IL20RB: variants seen among roughly 807,000 people sequenced by gnomAD.
IL20RB encodes interleukin 20 receptor subunit beta.
A neutral mutation model predicts 33.3 loss-of-function variants in IL20RB; 21 were observed. That is an observed-to-expected ratio of 0.63 (90% CI 0.45 to 0.91). IL20RB has a LOEUF of 0.91. IL20RB is among the 40% of genes least tolerant of loss of function. The pLI is 0.00. For synonymous variants in IL20RB, 147 were observed against 146.8 expected, an observed-to-expected ratio of 1.00 and a Z score of -0.01; for missense variants, 345 against 384.8, an observed-to-expected ratio of 0.90 and a Z score of 0.86.
chr3:136,958,283 G>A (rs757480082), intron 1 of IL20RB, 82 bp downstream of exon 1: 20 of 814,362 alleles, frequency 2.5e-5, no homozygotes, highest in Non-Finnish European at 4.0e-5. Context: ...CCAGGGCCTG[G>A]GGTTGAAATA....
intron 6 of IL20RB, among the ~76,000 whole-genome samples, chr3:136,999,359 G>C (rs1361836053): frequency 6.6e-6 from 1 of 152,152 alleles, no homozygotes; most frequent in African/African-American, 2.4e-5. Context: ...GACTCCCAAA[G>C]TGCTGGGATT....
intron 6 of IL20RB, 115 bp downstream of exon 6, chr3:136,995,671 C>T: frequency 3.2e-6 from 3 of 932,288 alleles, no homozygotes; most frequent in Non-Finnish European, 4.9e-6. Flanking sequence ...TAGGCATCTG[C>T]ACAGAGAGGG....
intron 1 of IL20RB, among the ~76,000 whole-genome samples, chr3:136,964,440 G>A (rs1427563565): frequency 1.1e-5 from 1 of 90,426 alleles, no homozygotes; most frequent in Non-Finnish European, 2.2e-5. Context: ...TTCTCTGATG[G>A]CCAGTGATGA....
intron 1 of IL20RB, among the ~76,000 whole-genome samples, chr3:136,970,014 T>TTTTG (rs374458054): frequency 6.6e-6 from 1 of 151,880 alleles, no homozygotes; most frequent in Non-Finnish European, 1.5e-5. Flanking sequence ...TAGATTGAGG[T>TTTTG]TTTGTTTGTT....
At chr3:136,979,757 C>T (rs1202305233) in intron 1 of IL20RB, among the ~76,000 whole-genome samples, 1 of 152,206 alleles carries the variant, frequency 6.6e-6, no homozygotes, top group Non-Finnish European at 1.5e-5. Context: ...CTTGAATGGA[C>T]TCTCTCCACA....
At chr3:136,982,372 A>C (rs768081482) in intron 3 of IL20RB, 22 bp downstream of exon 3, 4 of 1,511,230 alleles carry the variant, frequency 2.6e-6, no homozygotes, top group Non-Finnish European at 2.7e-6. Context: ...CTCTCCTTAC[A>C]CTCCCACCCC....
At chr3:136,995,624 C>T in intron 6 of IL20RB, 68 bp downstream of exon 6, 1 of 1,431,012 alleles carries the variant, frequency 7.0e-7, no homozygotes. Context: ...CTTAGCTGGG[C>T]ATGGGCACAT....
At chr3:136,958,559 CAAATT>C (rs1560062285) in intron 1 of IL20RB, among the ~76,000 whole-genome samples, 1 of 152,058 alleles carries the variant, frequency 6.6e-6, no homozygotes, top group African/African-American at 2.4e-5. Context: ...ACTGTAAGAA[CAAATT>C]AAAACAAAGA....
intron 1 of IL20RB, among the ~76,000 whole-genome samples, chr3:136,971,540 C>G (rs1941485111): frequency 6.6e-6 from 1 of 152,220 alleles, no homozygotes; most frequent in Non-Finnish European, 1.5e-5. Context: ...CGCTCTCTAC[C>G]TCTGTATGAT....
At chr3:136,959,826 A>T (rs1002532966) in intron 1 of IL20RB, among the ~76,000 whole-genome samples, 1 of 152,204 alleles carries the variant, frequency 6.6e-6, no homozygotes, top group Admixed American at 6.5e-5. Context: ...TCAGGACTCA[A>T]TCATGTAACG....
At chr3:136,994,444 A>G (rs1942088750) in intron 5 of IL20RB, among the ~76,000 whole-genome samples, 1 of 152,198 alleles carries the variant, frequency 6.6e-6, no homozygotes, top group Non-Finnish European at 1.5e-5. Flanking sequence ...AAATTGCAGG[A>G]GTGGATGAAA....
chr3:136,976,185 G>A (rs1941614051), intron 1 of IL20RB, among the ~76,000 whole-genome samples: 1 of 152,224 alleles, frequency 6.6e-6, no homozygotes, highest in Non-Finnish European at 1.5e-5. Context: ...CACCCTCCAA[G>A]GCCCTGGCCT....
At chr3:136,958,768 T>A (rs552814765) in intron 1 of IL20RB, among the ~76,000 whole-genome samples, 1 of 152,332 alleles carries the variant, frequency 6.6e-6, no homozygotes, top group South Asian at 2.1e-4. Flanking sequence ...TGGTTGCTTG[T>A]ACCTATCTGC....
chr3:136,970,706 G>A (rs1034688873), intron 1 of IL20RB, among the ~76,000 whole-genome samples: 1 of 150,976 alleles, frequency 6.6e-6, no homozygotes, highest in Non-Finnish European at 1.5e-5. Flanking sequence ...AGGCTGGAGT[G>A]CAGTGGTGCA....
intron 1 of IL20RB, among the ~76,000 whole-genome samples, chr3:136,961,834 C>T (rs1288653512): frequency 2.0e-5 from 3 of 152,120 alleles, no homozygotes; most frequent in African/African-American, 7.2e-5. Context: ...TGCAATTATT[C>T]TGTAAATCTA....
chr3:136,962,622 G>A (rs866195733), intron 1 of IL20RB, among the ~76,000 whole-genome samples: 2 of 151,780 alleles, frequency 1.3e-5, no homozygotes, highest in Non-Finnish European at 2.9e-5. Flanking sequence ...TATGGTGGTG[G>A]GCGCCTGTAG....
chr3:136,984,948 G>A (rs1242586236), intron 3 of IL20RB, among the ~76,000 whole-genome samples: 1 of 152,206 alleles, frequency 6.6e-6, no homozygotes, highest in Non-Finnish European at 1.5e-5. Context: ...TGGCTCCTAA[G>A]AGCATGGGGA....
chr3:137,003,250 C>T (rs1205502884), intron 6 of IL20RB, among the ~76,000 whole-genome samples: 4 of 152,104 alleles, frequency 2.6e-5, no homozygotes, highest in Admixed American at 2.0e-4. Flanking sequence ...CTTGGCAATG[C>T]GGGCTCTTTT....
At chr3:136,992,117 C>G in intron 5 of IL20RB, 29 bp downstream of exon 5, 1 of 1,610,896 alleles carries the variant, frequency 6.2e-7, no homozygotes, top group African/African-American at 1.3e-5. Context: ...TCCCTGGAGC[C>G]CTGCACAGGT....
Sources: allele counts gnomAD v4.1 joint callset (sites outside exome capture counted in the v4.1 genomes callset), GRCh38; gene constraint gnomAD v4.1.1; transcripts MANE v1.5; gene names NCBI Gene and HGNC (gene_info 2026-07-23, HGNC 2026-07-21).